Variants in KLF8 observed in about 807,000 individuals in gnomAD.
The protein encoded by KLF8 is KLF transcription factor 8.
In KLF8, 10 loss-of-function variants were observed where a neutral mutation model predicts 18.2. That is an observed-to-expected ratio of 0.55 (90% CI 0.34 to 0.93). The LOEUF (loss-of-function observed/expected upper bound fraction) is 0.93, where lower values mean the gene tolerates loss of function less well. Ranked by LOEUF, KLF8 falls within the 40% of genes least tolerant of loss-of-function variation. KLF8 has a pLI of 0.02. For synonymous variants in KLF8, 109 were observed against 97.3 expected, an observed-to-expected ratio of 1.12 and a Z score of -0.71; for missense variants, 264 against 277.9, an observed-to-expected ratio of 0.95 and a Z score of 0.36.
At chrX:55,980,699 C>T in the KLF8 span, among the ~76,000 whole-genome samples, 2 of 111,870 alleles carry the variant, frequency 1.8e-5, no homozygotes, top group African/African-American at 3.3e-5. Flanking sequence ...AATCAATTGT[C>T]CCTAATGCAA....
the KLF8 span, among the ~76,000 whole-genome samples, chrX:56,107,940 A>T: frequency 8.9e-5 from 10 of 112,040 alleles, no homozygotes; most frequent in East Asian, 2.5e-3. Context: ...GGTAAAATAT[A>T]TTCCCAATTT....
At chrX:56,224,063 G>A in the KLF8 span, among the ~76,000 whole-genome samples, 6 of 110,715 alleles carry the variant, frequency 5.4e-5, no homozygotes, top group South Asian at 3.9e-4. Context: ...AAGCCATGGC[G>A]TCTGGCTTAG....
chrX:56,196,124 G>A, the KLF8 span, among the ~76,000 whole-genome samples: 1 of 111,790 alleles, frequency 8.9e-6, no homozygotes, highest in Middle Eastern at 4.6e-3. Context: ...CCACTGCAAA[G>A]ACATGCCAAA....
chrX:56,264,497 GT>G lies in KLF8; in HGVS notation c.82-675del, dbSNP rs1182542264. Among the ~76,000 whole-genome samples, 133 of 108,767 alleles carry G rather than the reference GT, an allele frequency of 1.2e-3. 1 individual carries two copies. Among genetic ancestry groups the G allele is most frequent in the Middle Eastern group, 5.1e-3 (1 of 197 alleles). The allele number at this position is 108,767 out of a possible 115,157, so 94.5% of individuals were successfully genotyped here. On this transcript the variant is annotated intron_variant, in intron 2 of 5. Coordinates refer to ENST00000468660, the MANE Select transcript of KLF8 (RefSeq NM_007250.5). ...TTATGATCATTTAGATCATTTATTA[GT>G]TTTTTTTAAAAATCCCAGAATTAAA...
At chrX:56,269,067 G>T in intron 3 of KLF8, 1 of 898,168 alleles carries the variant, frequency 1.1e-6, no homozygotes, top group Non-Finnish European at 1.4e-6. Context: ...CCTGGTAGCT[G>T]GAGATAGAAA....
At chrX:56,125,467 T>C in the KLF8 span, among the ~76,000 whole-genome samples, 1 of 112,190 alleles carries the variant, frequency 8.9e-6, no homozygotes, top group African/African-American at 3.2e-5. Context: ...TAACAGGGCA[T>C]GGATAATGTA....
the KLF8 span, among the ~76,000 whole-genome samples, chrX:56,217,423 T>TATTTATTC: frequency 2.7e-5 from 3 of 109,912 alleles, no homozygotes; most frequent in Non-Finnish European, 5.7e-5. Context: ...TTTATTCATT[T>TATTTATTC]ATTTTATTCT....
the KLF8 span, among the ~76,000 whole-genome samples, chrX:56,064,113 A>G: frequency 2.1e-5 from 2 of 95,551 alleles, no homozygotes; most frequent in South Asian, 8.4e-4. Context: ...ATATATACGT[A>G]TGTGTGTGTA....
intron 5 of KLF8, 64 bp downstream of exon 5, chrX:56,270,385 A>C: frequency 1.6e-6 from 1 of 622,640 alleles, no homozygotes; most frequent in Non-Finnish European, 2.2e-6. Flanking sequence ...CACACACGAG[A>C]GAGAGAGAGA....
chrX:56,136,614 T>G, the KLF8 span, among the ~76,000 whole-genome samples: 5 of 111,264 alleles, frequency 4.5e-5, no homozygotes, highest in Non-Finnish European at 7.6e-5. Context: ...CAAGATGGAT[T>G]AAAGACTTAA....
chrX:56,104,612 T>C, the KLF8 span, among the ~76,000 whole-genome samples: 1 of 111,888 alleles, frequency 8.9e-6, no homozygotes, highest in Non-Finnish European at 1.9e-5. Flanking sequence ...TCTTTTATTC[T>C]TTTTTAGTCT....
the KLF8 span, among the ~76,000 whole-genome samples, chrX:56,053,616 G>A: frequency 2.9e-5 from 3 of 103,476 alleles, no homozygotes; most frequent in South Asian, 1.5e-3. Flanking sequence ...TTAGTATTTA[G>A]TTGTGAATTC....
At position 56,289,734 on chromosome X, in the gene KLF8, A is replaced by G. The variant is rs2067304190; in HGVS notation, c.*5240A>G. On this transcript the variant is annotated 3_prime_UTR_variant, in exon 6 of 6. Coordinates refer to ENST00000468660, the MANE Select transcript of KLF8 (RefSeq NM_007250.5). ...AGTGTGCACATATAGCAGTATCTGAATTGTTAACCTGTATACCCATGGGAA... is the reference window on the plus strand; with the variant it reads ...AGTGTGCACATATAGCAGTATCTGAGTTGTTAACCTGTATACCCATGGGAA... 1.8e-5 allele frequency among the ~76,000 whole-genome samples: 2 copies of G among 111,574 alleles called. No individual in the cohort carries two copies. Among genetic ancestry groups the G allele is most frequent in the African/African-American group, 6.5e-5 (2 of 30,644 alleles).
chrX:55,946,434 T>C, the KLF8 span, among the ~76,000 whole-genome samples: 3 of 111,940 alleles, frequency 2.7e-5, no homozygotes, highest in East Asian at 5.6e-4. Context: ...GCTAGCCATA[T>C]GTGGAAAGCT....
At chrX:56,135,986 A>G in the KLF8 span, among the ~76,000 whole-genome samples, 1 of 111,670 alleles carries the variant, frequency 9.0e-6, no homozygotes, top group Non-Finnish European at 1.9e-5. Context: ...ATCATGAGTG[A>G]ACTCCCATTC....
chrX:56,178,367 T>C, the KLF8 span, among the ~76,000 whole-genome samples: 2 of 112,484 alleles, frequency 1.8e-5, no homozygotes, highest in Admixed American at 1.9e-4. Context: ...TAGTTCTTTG[T>C]AGATTCTGGA....
the KLF8 span, among the ~76,000 whole-genome samples, chrX:55,987,694 A>G: frequency 8.9e-6 from 1 of 112,411 alleles, no homozygotes; most frequent in African/African-American, 3.2e-5. Flanking sequence ...AGCATGTTTT[A>G]TAATCCTTTG....
chrX:55,992,551 G>C, the KLF8 span, among the ~76,000 whole-genome samples: 2 of 111,459 alleles, frequency 1.8e-5, no homozygotes, highest in Admixed American at 1.9e-4. Context: ...GTTTTGTTCT[G>C]TATGCACAGG....
chrX:55,996,684 CA>C, the KLF8 span, among the ~76,000 whole-genome samples: 1 of 111,726 alleles, frequency 9.0e-6, no homozygotes, highest in Non-Finnish European at 1.9e-5. Context: ...GGGCTGGTAC[CA>C]GGCCCACAGC....
Sources: gnomAD v4.1 joint callset for allele counts (sites outside exome capture counted in the v4.1 genomes callset) on GRCh38, gnomAD v4.1.1 for gene constraint, MANE v1.5 for transcripts, NCBI Gene and HGNC (gene_info 2026-07-23, HGNC 2026-07-21) for gene names.